Variants in SLCO3A1 observed in about 807,000 individuals in gnomAD.
SLCO3A1 encodes the protein solute carrier organic anion transporter family member 3A1, also known as PGE1 transporter.
In SLCO3A1, 27 loss-of-function variants were observed where a neutral mutation model predicts 63.1. The ratio of observed to expected loss-of-function variants is 0.43; its 90% confidence interval spans 0.32 to 0.59. The LOEUF (loss-of-function observed/expected upper bound fraction) is 0.59. SLCO3A1 is among the 20% of genes least tolerant of loss of function. The pLI, the probability that SLCO3A1 is intolerant of heterozygous loss-of-function variation, is 0.09. For synonymous variants in SLCO3A1, 473 were observed against 409.9 expected (o/e 1.15, Z -1.86); for missense variants, 773 against 945.8 (o/e 0.82, Z 2.40).
In SLCO3A1 at chr15:92,133,239, G is replaced by A. The variant is rs577550715; in HGVS notation, c.1512+4750G>A. ...TCATCACCCCCAGTGAAGAACCACC[G>A]CTGTCATAGAAGGGATGAGGCATGT... On this transcript the variant is annotated intron_variant, in intron 7 of 9. Transcript: ENST00000318445. 5.5e-5 allele frequency among the ~76,000 whole-genome samples: 8 copies of A among 146,488 alleles called. 2 individuals carry two copies. The South Asian group carries it at 1.3e-3, about 24-fold the overall frequency.
At chr15:92,067,944 G>A (rs553920440) in intron 2 of SLCO3A1, among the ~76,000 whole-genome samples, 1 of 152,172 alleles carries the variant, frequency 6.6e-6, no homozygotes, top group Non-Finnish European at 1.5e-5. Context: ...TCTGCGGGAA[G>A]GGGTGAGGCA....
intron 2 of SLCO3A1, among the ~76,000 whole-genome samples, chr15:91,957,146 A>AT (rs1555417770): frequency 1.8e-4 from 7 of 38,296 alleles, no homozygotes; most frequent in Admixed American, 5.1e-4. Flanking sequence ...TATATATTAT[A>AT]ATATATATAT....
intron 2 of SLCO3A1, among the ~76,000 whole-genome samples, chr15:91,996,189 A>G (rs1288702805): frequency 6.6e-6 from 1 of 152,190 alleles, no homozygotes; most frequent in African/African-American, 2.4e-5. Flanking sequence ...GCATTTCTAT[A>G]GATAAGCAAA....
At chr15:92,042,436 T>C (rs991754390) in intron 2 of SLCO3A1, among the ~76,000 whole-genome samples, 5 of 152,164 alleles carry the variant, frequency 3.3e-5, no homozygotes, top group Non-Finnish European at 7.3e-5. Context: ...GTTGGGCCAA[T>C]TGATGTAGGA....
intron 2 of SLCO3A1, among the ~76,000 whole-genome samples, chr15:92,051,855 T>C (rs2046961924): frequency 1.3e-5 from 2 of 152,166 alleles, no homozygotes; most frequent in Admixed American, 1.3e-4. Flanking sequence ...TGCTGCGTGA[T>C]GAGGGTTAGA....
chr15:91,854,054 T>C lies in SLCO3A1; in HGVS notation c.146T>C (p.Leu49Pro). ...IKIFLVSECALMLAQGTVGAY... is the reference protein window; with the variant it reads ...IKIFLVSECAPMLAQGTVGAY... ...ATCTTCCTGGTGTCCGAGTGCGCCC[T>C]GATGCTGGCGCAGGGCACGGTGGGC... Residue 49 changes from leucine (L) to proline (P), a missense_variant, in exon 1 of 10, where the codon CTG (leucine) becomes CCG (proline). Physicochemically the swap from Leu to Pro is moderately conservative, Grantham distance 98. Around this residue, in one of 3 missense-constraint regions of SLCO3A1, gnomAD observed 69 missense variants for 64.6 expected, o/e 1.07. Coordinates refer to ENST00000318445, the MANE Select transcript of SLCO3A1 (RefSeq NM_013272.4). This position sits in a 1 kb window ranked among gnomAD's most constrained non-coding sequence, Gnocchi z 6.4. 1 of 1,535,710 alleles carries C rather than the reference T, an allele frequency of 6.5e-7. No homozygotes were observed. The highest frequency in any genetic ancestry group is 2.7e-5 in the East Asian group (1 of 37,034).
In SLCO3A1 at chr15:91,854,245, G is replaced by C; in HGVS notation, c.180+157G>C. The C allele has an allele frequency of 1.8e-6, 2 of 1,113,662 alleles. No homozygotes were observed. Among genetic ancestry groups the C allele is most frequent in the Admixed American group, 9.0e-5 (2 of 22,134 alleles). The allele number at this position is 1,113,662 out of a possible 1,614,324, so 69.0% of individuals were successfully genotyped here. A position where few individuals can be genotyped will look rare whatever the true frequency, so the allele number is the denominator to read the frequency against. On this transcript the variant is annotated intron_variant, in intron 1 of 9. Transcript: ENST00000318445. This position sits in a 1 kb window ranked among gnomAD's most constrained non-coding sequence, Gnocchi z 6.4. The stretch of plus-strand genomic sequence containing the variant: ...CGAGTGGTGCAGAGGCGGCCGCCGG[G>C]GGAGCTGCCGGCCGGGGCTGCCAGC...
intron 1 of SLCO3A1, among the ~76,000 whole-genome samples, chr15:91,881,827 G>A (rs1216825290): frequency 6.6e-6 from 1 of 152,158 alleles, no homozygotes; most frequent in African/African-American, 2.4e-5. Context: ...CTTAGCGCAA[G>A]CAGCATGACT....
At position 91,872,160 on chromosome 15, in the gene SLCO3A1, A is replaced by G. The variant is rs1252803255; in HGVS notation, c.180+18072A>G. Among the ~76,000 whole-genome samples, 2 of 152,006 alleles carry G rather than the reference A, an allele frequency of 1.3e-5. No individual in the cohort carries two copies. Among genetic ancestry groups the G allele is most frequent in the African/African-American group, 2.4e-5 (1 of 41,378 alleles). On this transcript the variant is annotated intron_variant, in intron 1 of 9. Coordinates refer to ENST00000318445, the MANE Select transcript of SLCO3A1 (RefSeq NM_013272.4). The surrounding 1 kb of genome is among the most constrained non-coding windows in gnomAD (Gnocchi z 4.1). Reference sequence around the variant, plus strand: ...GGGAGGACACAAGCAGTCTGATCGAACTCTCACACAAATCCCATGCAGTAG... The same window carrying G: ...GGGAGGACACAAGCAGTCTGATCGAGCTCTCACACAAATCCCATGCAGTAG...
intron 1 of SLCO3A1, among the ~76,000 whole-genome samples, chr15:91,869,513 G>C (rs1288813522): frequency 7.9e-6 from 1 of 127,256 alleles, no homozygotes; most frequent in East Asian, 2.3e-4. Context: ...TCCAGTCTCT[G>C]TCTCAAAGGA....
At chr15:92,046,471 A>G (rs1050722982) in intron 2 of SLCO3A1, among the ~76,000 whole-genome samples, 15 of 152,152 alleles carry the variant, frequency 9.9e-5, no homozygotes, top group Admixed American at 8.5e-4. Context: ...CGGAGGTTGC[A>G]TTGAGCCAAG....
At chr15:91,881,429 C>T (rs572465397) in intron 1 of SLCO3A1, among the ~76,000 whole-genome samples, 1 of 152,140 alleles carries the variant, frequency 6.6e-6, no homozygotes, top group African/African-American at 2.4e-5. Flanking sequence ...AGCTGAAAGA[C>T]CCAGTGATTT....
At position 91,853,944 on chromosome 15, in the gene SLCO3A1, C is replaced by T. The variant is rs1342674093; in HGVS notation, c.36C>T (p.Gly12=). Reference sequence around the variant, plus strand: ...AGAAGCCGGGCGGTTCGTCGGGCGGCGGCCGGAGCGGCGAGCTGCAGGGGG... The same window carrying T: ...AGAAGCCGGGCGGTTCGTCGGGCGGTGGCCGGAGCGGCGAGCTGCAGGGGG... ...QGKKPGGSSG[G]GRSGELQGDE... Residue 12 remains glycine, a synonymous_variant, in exon 1 of 10, where the codon GGC becomes GGT. Transcript: ENST00000318445. 7.5e-6 allele frequency: 11 copies of T among 1,466,842 alleles called. No homozygotes were observed. The highest frequency in any genetic ancestry group is 1.3e-5 in the South Asian group (1 of 75,838). 90.9% of individuals were successfully genotyped at this position (1,466,842 alleles called of 1,614,324 possible).
chr15:91,891,184 A>G (rs2151357123), intron 1 of SLCO3A1, among the ~76,000 whole-genome samples: 1 of 151,848 alleles, frequency 6.6e-6, no homozygotes, highest in African/African-American at 2.4e-5. Flanking sequence ...ATTTTTAGGT[A>G]AGTGTGGGGG....
intron 2 of SLCO3A1, among the ~76,000 whole-genome samples, chr15:92,030,192 A>G (rs1359044953): frequency 6.6e-6 from 1 of 152,216 alleles, no homozygotes; most frequent in Non-Finnish European, 1.5e-5. Flanking sequence ...CCAAAGGGTT[A>G]GTTGGTTTTC....
intron 2 of SLCO3A1, among the ~76,000 whole-genome samples, chr15:91,979,328 G>A (rs1901244718): frequency 6.6e-6 from 1 of 152,158 alleles, no homozygotes; most frequent in African/African-American, 2.4e-5. Context: ...TGATACAATA[G>A]TCTAACTAAT....
chr15:92,045,020 T>A (rs2046843321), intron 2 of SLCO3A1, among the ~76,000 whole-genome samples: 1 of 152,080 alleles, frequency 6.6e-6, no homozygotes. Context: ...AAACATGTTG[T>A]CTGTAATCCC....
chr15:92,152,864 C>T (rs1295634243), intron 9 of SLCO3A1, among the ~76,000 whole-genome samples: 1 of 152,162 alleles, frequency 6.6e-6, no homozygotes, highest in Non-Finnish European at 1.5e-5. Context: ...AGGTAAGAGC[C>T]CACCCTCCTC....
intron 3 of SLCO3A1, among the ~76,000 whole-genome samples, chr15:92,095,286 C>A (rs540929385): frequency 6.6e-6 from 1 of 152,330 alleles, no homozygotes; most frequent in East Asian, 1.9e-4. Flanking sequence ...ATCGGCCTGG[C>A]AGATAAGAAT....
Sources: allele counts gnomAD v4.1 joint callset (sites outside exome capture counted in the v4.1 genomes callset), GRCh38; gene constraint gnomAD v4.1.1; regional missense constraint gnomAD v4.1.1; non-coding constraint Gnocchi (gnomAD v3.1); transcripts MANE v1.5; gene names NCBI Gene and HGNC (gene_info 2026-07-23, HGNC 2026-07-21).